Variants in ADAM10 observed in about 807,000 individuals in gnomAD.
ADAM10 encodes the protein ADAM metallopeptidase domain 10, also known as disintegrin and metalloproteinase domain-containing protein 10.
Under a neutral mutation model 90.1 loss-of-function variants are expected in ADAM10, and 17 were observed. The ratio of observed to expected loss-of-function variants is 0.19; its 90% CI spans 0.13 to 0.28. The LOEUF is 0.28. Among genes scored for constraint, ADAM10 ranks in the 10% least tolerant of loss-of-function variants. ADAM10 has a pLI of 1.00. For missense variants in ADAM10, 610 were observed against 914.3 expected (o/e 0.67, Z 4.29); for synonymous variants, 310 against 298.6 (o/e 1.04, Z -0.40).
At chr15:58,692,997 A>G in intron 2 of ADAM10, 1 of 784,630 alleles carries the variant, frequency 1.3e-6, no homozygotes. Flanking sequence ...GTTCTTTACC[A>G]CCGTCCAACT....
intron 4 of ADAM10, among the ~76,000 whole-genome samples, chr15:58,670,331 G>A (rs1324762817): frequency 1.3e-5 from 2 of 152,002 alleles, no homozygotes; most frequent in African/African-American, 4.8e-5. Flanking sequence ...CCTTTTTAAA[G>A]AGATATCTGG....
intron 2 of ADAM10, among the ~76,000 whole-genome samples, chr15:58,683,859 CAAAAAAAAAAAA>C (rs71425819): frequency 6.5e-4 from 44 of 67,250 alleles, no homozygotes; most frequent in Admixed American, 2.1e-3. Context: ...GGCTCCATCT[CAAAAAAAAAAAA>C]AAAAAAAAAA....
intron 14 of ADAM10, among the ~76,000 whole-genome samples, chr15:58,603,931 C>T (rs937246559): frequency 2.4e-5 from 3 of 126,254 alleles, no homozygotes; most frequent in Non-Finnish European, 5.2e-5. Flanking sequence ...ACTTTGTCAA[C>T]TAAAAAAAGA....
intron 2 of ADAM10, chr15:58,692,657 T>G (rs189122371): frequency 1.8e-6 from 1 of 560,502 alleles, no homozygotes; most frequent in Admixed American, 1.9e-5. Flanking sequence ...AGGTGAAGGA[T>G]CACTTTGGTA....
chr15:58,609,915 T>C lies in ADAM10; in HGVS notation c.2025+382A>G, dbSNP rs1895390262. The C allele has an allele frequency of 1.9e-5, 5 of 258,160 alleles. No individual in the cohort carries two copies. The South Asian group carries it at 2.3e-4, about 12-fold the overall frequency. 16.0% of individuals were successfully genotyped at this position (258,160 alleles called of 1,614,324 possible). The stretch of plus-strand genomic sequence containing the variant: ...AAGACCCAGAGATTATACTGAAAGA[T>C]CAGGAAAAATCACCAATTAGTCCAC... On this transcript the variant is annotated intron_variant, in intron 14 of 15. Coordinates refer to ENST00000260408, the MANE Select transcript of ADAM10 (RefSeq NM_001110.4).
At chr15:58,707,106 GGCACAGTAGCTCACGCCTGTAATCCCA>G (rs1898324455) in intron 2 of ADAM10, among the ~76,000 whole-genome samples, 1 of 149,404 alleles carries the variant, frequency 6.7e-6, no homozygotes, top group Admixed American at 6.7e-5. Flanking sequence ...AGCTCAGCCA[GGCACAGTAGCTCACGCCTGTAATCCCA>G]GCACTCTGAG....
intron 1 of ADAM10, among the ~76,000 whole-genome samples, chr15:58,739,754 T>A (rs1314670568): frequency 6.6e-6 from 1 of 152,222 alleles, no homozygotes; most frequent in East Asian, 1.9e-4. Context: ...GAGGTCACTT[T>A]CTAATTTTAC....
chr15:58,696,394 G>C lies in ADAM10; in HGVS notation c.207-14080C>G, dbSNP rs1897978649. ...ACAAGCTAGATAAACAACTTAGAAG[G>C]AAAACAGAAGTTAAGAACACTTGAA... On this transcript the variant is annotated intron_variant, in intron 2 of 15. Coordinates refer to ENST00000260408, the MANE Select transcript of ADAM10 (RefSeq NM_001110.4). Among the ~76,000 whole-genome samples the C allele has an allele frequency of 2.0e-5, 3 of 151,658 alleles. 1 individual carries two copies.
At chr15:58,624,532 C>T (rs1007879412) in intron 10 of ADAM10, among the ~76,000 whole-genome samples, 8 of 152,000 alleles carry the variant, frequency 5.3e-5, no homozygotes, top group Non-Finnish European at 1.2e-4. Context: ...CAATGAGGTA[C>T]TGTTTGTTTG....
chr15:58,675,089 A>G (rs1897281402), intron 4 of ADAM10, among the ~76,000 whole-genome samples: 1 of 152,156 alleles, frequency 6.6e-6, no homozygotes, highest in Admixed American at 6.6e-5. Context: ...CCAGCTATTC[A>G]CAGGAGGCTG....
intron 5 of ADAM10, among the ~76,000 whole-genome samples, chr15:58,653,771 G>A (rs543497728): frequency 3.4e-4 from 52 of 152,176 alleles, no homozygotes; most frequent in African/African-American, 1.2e-3. Context: ...TTTTGGAATA[G>A]TTTCAGTACA....
intron 2 of ADAM10, among the ~76,000 whole-genome samples, chr15:58,713,723 T>C (rs8029805): frequency 0.19 from 29,420 of 152,132 alleles, 3,261 homozygotes; most frequent in South Asian, 0.33. Flanking sequence ...GTTGTTTCCT[T>C]AACGACTATG....
chr15:58,714,786 T>C lies in ADAM10; in HGVS notation c.206+2791A>G, dbSNP rs111937907. 3.6e-3 allele frequency among the ~76,000 whole-genome samples: 543 copies of C among 152,162 alleles called. 5 individuals carry two copies. Among genetic ancestry groups the C allele is most frequent in the African/African-American group, 0.013 (522 of 41,578 alleles). ...ATTAACAAATAATAAATAATTTATA[T>C]ACAGATAGAAATCCTGTTAGGAGGA... On this transcript the variant is annotated intron_variant, in intron 2 of 15. Transcript: ENST00000260408.
chr15:58,669,384 G>C (rs1897145572), intron 4 of ADAM10, among the ~76,000 whole-genome samples: 1 of 152,098 alleles, frequency 6.6e-6, no homozygotes. Flanking sequence ...AAAAGATAGG[G>C]AAGACTTATC....
intron 2 of ADAM10, among the ~76,000 whole-genome samples, chr15:58,713,921 T>C (rs1898560875): frequency 6.6e-6 from 1 of 151,886 alleles, no homozygotes; most frequent in Non-Finnish European, 1.5e-5. Flanking sequence ...CAAGCGATTG[T>C]CATGCCTCAG....
At chr15:58,693,761 T>TAAAAAAAAAAAAAAAAAAAAAAAAAAAA (rs36118429) in intron 2 of ADAM10, among the ~76,000 whole-genome samples, 1 of 135,936 alleles carries the variant, frequency 7.4e-6, no homozygotes, top group African/African-American at 2.7e-5. Flanking sequence ...GAAATAGCTT[T>TAAAAAAAAAAAAAAAAAAAAAAAAAAAA]AAAAAAAAAA....
chr15:58,612,480 C>T lies in ADAM10; in HGVS notation c.1512-489G>A, dbSNP rs1355589557. Among the ~76,000 whole-genome samples the T allele has an allele frequency of 3.7e-4, 57 of 152,166 alleles. 1 individual carries two copies. The highest frequency in any genetic ancestry group is 1.5e-5 in the Non-Finnish European group (1 of 68,016). ...CTGAGCTGCTGAGACACCCTTCTCC[C>T]CACAGTAGTCATCACTGTGCTGTTC... is the stretch of plus-strand genomic sequence containing the variant. On this transcript the variant is annotated intron_variant, in intron 11 of 15. Coordinates refer to ENST00000260408, the MANE Select transcript of ADAM10 (RefSeq NM_001110.4).
At chr15:58,691,009 G>A in intron 2 of ADAM10, 1 of 503,812 alleles carries the variant, frequency 2.0e-6, no homozygotes, top group Non-Finnish European at 3.9e-6. Context: ...GGGTGGTTGG[G>A]GTTGATCTCC....
intron 1 of ADAM10, among the ~76,000 whole-genome samples, chr15:58,718,747 G>A (rs1898747730): frequency 6.6e-6 from 1 of 152,138 alleles, no homozygotes; most frequent in Admixed American, 6.5e-5. Context: ...GCTGATTAGA[G>A]CTCTGCTGAA....
Sources: allele counts gnomAD v4.1 joint callset (sites outside exome capture counted in the v4.1 genomes callset), GRCh38; gene constraint gnomAD v4.1.1; transcripts MANE v1.5; gene names NCBI Gene and HGNC (gene_info 2026-07-23, HGNC 2026-07-21).